SLC1A1: variants seen among roughly 807,000 people sequenced by gnomAD.
SLC1A1 encodes the protein solute carrier family 1 member 1, also known as excitatory amino acid transporter 3.
In SLC1A1, 43 loss-of-function variants were observed where a neutral mutation model predicts 53.3. The ratio of observed to expected loss-of-function variants is 0.81; its 90% CI spans 0.63 to 1.04. The LOEUF is 1.04. Ranked by LOEUF, SLC1A1 falls within the 50% of genes least tolerant of loss-of-function variation. The pLI, the probability that SLC1A1 is intolerant of heterozygous loss-of-function variation, is 0.00. For missense variants in SLC1A1, 748 were observed against 664.9 expected (o/e 1.12, Z -1.37); for synonymous variants, 307 against 243.2 (o/e 1.26, Z -2.44).
rs79266892 is a variant in SLC1A1, at chr9:4,572,476, C to T, written c.767+88C>T. On this transcript the variant is annotated intron_variant, in intron 7 of 11. Transcript: ENST00000262352. ...AAAGAAGAGGTTTTATGTTTGTCAA[C>T]TGATGAAGCTAGAGAAGTTGGACAT... The T allele has an allele frequency of 3.8e-3, 4,506 of 1,190,498 alleles. 123 individuals are homozygous for T. The African/African-American group carries it at 0.057, about 15-fold the overall frequency. 73.7% of individuals were successfully genotyped at this position (1,190,498 alleles called of 1,614,324 possible). A position where few individuals can be genotyped will look rare whatever the true frequency, so the allele number is the denominator to read the frequency against.
chr9:4,516,437 C>A (rs868236872), intron 1 of SLC1A1, among the ~76,000 whole-genome samples: 2 of 152,152 alleles, frequency 1.3e-5, no homozygotes, highest in Admixed American at 1.3e-4. Context: ...TGAACTGATT[C>A]ATACTCCCTT....
At position 4,577,911 on chromosome 9, in the gene SLC1A1, A is replaced by G. The variant is rs771177291; in HGVS notation, c.1193+1148A>G. Among the ~76,000 whole-genome samples, 35 of 152,318 alleles carry G rather than the reference A, an allele frequency of 2.3e-4. No homozygotes were observed. In the Middle Eastern group the frequency reaches 0.014, roughly 59 times the overall value. ...TAGAAGGCACTGACACTGAGGTTGG[A>G]GAAGAGCTAATGAATTGAAGAAGCA... On this transcript the variant is annotated intron_variant, in intron 10 of 11. Coordinates refer to ENST00000262352, the MANE Select transcript of SLC1A1 (RefSeq NM_004170.6).
At chr9:4,579,010 G>A (rs1554690081) in intron 10 of SLC1A1, among the ~76,000 whole-genome samples, 1 of 152,186 alleles carries the variant, frequency 6.6e-6, no homozygotes, top group Non-Finnish European at 1.5e-5. Flanking sequence ...TAAAATCAGA[G>A]TTTGTTAACT....
chr9:4,533,339 A>G (rs200474650), intron 1 of SLC1A1, among the ~76,000 whole-genome samples: 1 of 131,680 alleles, frequency 7.6e-6, no homozygotes, highest in African/African-American at 2.8e-5. Flanking sequence ...CAGAGACACA[A>G]ATAGGCTCAA....
At chr9:4,576,511 GC>G in intron 9 of SLC1A1, 57 bp from the exon 10 acceptor site, 4 of 1,415,320 alleles carry the variant, frequency 2.8e-6, no homozygotes, top group Non-Finnish European at 4.0e-6. Flanking sequence ...ATGTCTTCAG[GC>G]AGGGACTAAG....
intron 1 of SLC1A1, among the ~76,000 whole-genome samples, chr9:4,498,967 A>G (rs1820538073): frequency 6.9e-6 from 1 of 144,418 alleles, no homozygotes; most frequent in Admixed American, 7.0e-5. Flanking sequence ...TATATTATAT[A>G]TGTATATATA....
chr9:4,562,861 A>G (rs1203509734), intron 3 of SLC1A1, among the ~76,000 whole-genome samples: 2 of 151,094 alleles, frequency 1.3e-5, no homozygotes, highest in Admixed American at 6.6e-5. Context: ...ATTGTGAATA[A>G]TGCCGCAATA....
intron 5 of SLC1A1, 145 bp from the exon 6 acceptor site, chr9:4,567,524 A>C: frequency 1.5e-6 from 1 of 674,132 alleles, no homozygotes; most frequent in South Asian, 1.6e-5. Context: ...GGTACCGTTG[A>C]CAACTGGAGC....
intron 2 of SLC1A1, among the ~76,000 whole-genome samples, chr9:4,557,616 T>C (rs377042638): frequency 1.3e-3 from 183 of 143,392 alleles, no homozygotes; most frequent in African/African-American, 2.0e-3. Context: ...TGAGACCTCA[T>C]CTCTACAATT....
chr9:4,571,399 G>C (rs1039024611), intron 6 of SLC1A1, among the ~76,000 whole-genome samples: 2 of 152,250 alleles, frequency 1.3e-5, no homozygotes, highest in Middle Eastern at 3.4e-3. Context: ...ATCCTGGCTG[G>C]GCACAGTGGC....
chr9:4,581,148 G>T (rs1821060274), intron 10 of SLC1A1, among the ~76,000 whole-genome samples: 1 of 152,162 alleles, frequency 6.6e-6, no homozygotes, highest in Non-Finnish European at 1.5e-5. Flanking sequence ...TCAGTAAAAT[G>T]GTAGAGCCCA....
In SLC1A1 at chr9:4,498,052, G is replaced by A. The variant is rs143048226; in HGVS notation, c.91+7282G>A. Among the ~76,000 whole-genome samples, 8 of 152,316 alleles carry A rather than the reference G, an allele frequency of 5.3e-5. No individual in the cohort carries two copies. In the South Asian group the frequency reaches 6.2e-4, roughly 12 times the overall value. On this transcript the variant is annotated intron_variant, in intron 1 of 11. Transcript: ENST00000262352. The stretch of plus-strand genomic sequence containing the variant: ...CAGGAACTAGTGGTATGCGTGCTGA[G>A]TAATTGTTGACTTGGGTTATAAAAC...
intron 6 of SLC1A1, among the ~76,000 whole-genome samples, chr9:4,570,843 G>T (rs1379620855): frequency 6.6e-6 from 1 of 151,380 alleles, no homozygotes; most frequent in Non-Finnish European, 1.5e-5. Flanking sequence ...CTCCTTTGAG[G>T]AGTTTGAGGC....
At chr9:4,535,517 C>T (rs1477516228) in intron 1 of SLC1A1, among the ~76,000 whole-genome samples, 3 of 152,144 alleles carry the variant, frequency 2.0e-5, no homozygotes, top group South Asian at 4.1e-4. Flanking sequence ...TGAAGGACCT[C>T]TTCAAGGAGA....
intron 1 of SLC1A1, among the ~76,000 whole-genome samples, chr9:4,523,172 A>G (rs1816142157): frequency 1.3e-5 from 2 of 152,138 alleles, no homozygotes; most frequent in African/African-American, 4.8e-5. Flanking sequence ...AGTTGCATCT[A>G]TGATTGACTC....
rs1385486251 is a variant in SLC1A1 at position 4,556,954 on chromosome 9, CTG to C, written c.233-4494_233-4493del. Among the ~76,000 whole-genome samples the C allele has an allele frequency of 1.3e-5, 2 of 152,086 alleles. No homozygotes were observed. The highest frequency in any genetic ancestry group is 2.1e-4 in the South Asian group (1 of 4,822). ...AACAATAAAACAAGGTTGAAAAAGA[CTG>C]AGATGTTACATGTGTTCCCCTGTGG... On this transcript the variant is annotated intron_variant, in intron 2 of 11. Coordinates refer to ENST00000262352, the MANE Select transcript of SLC1A1 (RefSeq NM_004170.6). This position sits in a 1 kb window ranked among gnomAD's most constrained non-coding sequence, Gnocchi z 4.1.
rs368368579 is a variant in SLC1A1 at position 4,573,903 on chromosome 9, C to G, written c.768-4C>G. On this transcript the variant is annotated splice_region_variant and splice_polypyrimidine_tract_variant and intron_variant, in intron 7 of 11. Transcript: ENST00000262352. ...ATCACGCCTCTGTTGTGCTTCCTTT[C>G]CAGTTATATGCCACTAGGTATTTTG... The G allele has an allele frequency of 2.2e-4, 352 of 1,592,214 alleles. No homozygotes were observed. The Middle Eastern group carries it at 3.3e-3, about 15-fold the overall frequency.
chr9:4,509,180 T>C (rs777441030), intron 1 of SLC1A1, among the ~76,000 whole-genome samples: 10 of 152,034 alleles, frequency 6.6e-5, no homozygotes, highest in East Asian at 1.9e-4. Context: ...CAAAAAAGCA[T>C]GTAAACAAAA....
At chr9:4,551,642 AG>A (rs1027614702) in intron 2 of SLC1A1, among the ~76,000 whole-genome samples, 2 of 152,218 alleles carry the variant, frequency 1.3e-5, no homozygotes, top group African/African-American at 4.8e-5. Flanking sequence ...TATACAGTTT[AG>A]TTTCTATGAA....
Sources: allele counts gnomAD v4.1 joint callset (sites outside exome capture counted in the v4.1 genomes callset), GRCh38; gene constraint gnomAD v4.1.1; non-coding constraint Gnocchi (gnomAD v3.1); transcripts MANE v1.5; gene names NCBI Gene and HGNC (gene_info 2026-07-23, HGNC 2026-07-21).